The following DMD variants were observed in gnomAD, a reference collection of about 807,000 sequenced individuals.
DMD encodes the protein dystrophin.
A neutral mutation model predicts 330.1 loss-of-function variants in DMD; 63 were observed. The observed-to-expected ratio is 0.19, with a 90% confidence interval of 0.16 to 0.24. The LOEUF is 0.24. Among genes scored for constraint, DMD ranks in the 10% least tolerant of loss-of-function variants. The probability of loss-of-function intolerance (pLI) is 1.00; values close to 1 mark genes in which losing one functional copy is unlikely to be tolerated. For synonymous variants in DMD, 1,223 were observed against 959.8 expected, an observed-to-expected ratio of 1.27 and a Z score of -5.07; for missense variants, 3,344 against 2,684.1, an observed-to-expected ratio of 1.25 and a Z score of -5.43.
chrX:32,379,977 G>A (rs2097918313), intron 34 of DMD, among the ~76,000 whole-genome samples: 1 of 111,430 alleles, frequency 9.0e-6, no homozygotes, highest in South Asian at 3.7e-4. Flanking sequence ...AGCATGAAAT[G>A]ATTGGCCATC....
chrX:32,616,072 T>A (rs1398121979), intron 11 of DMD, among the ~76,000 whole-genome samples: 2 of 110,734 alleles, frequency 1.8e-5, no homozygotes, highest in African/African-American at 6.6e-5. Context: ...ATTTGTCTGA[T>A]TTTTTTTCCT....
intron 74 of DMD, among the ~76,000 whole-genome samples, chrX:31,164,669 G>C (rs1303193452): frequency 2.7e-5 from 3 of 110,921 alleles, no homozygotes; most frequent in Non-Finnish European, 5.7e-5. Context: ...ACTCCCCCCA[G>C]CTTGATTTCC....
intron 54 of DMD, among the ~76,000 whole-genome samples, chrX:31,647,167 G>A (rs1296756665): frequency 1.8e-5 from 2 of 111,905 alleles, no homozygotes; most frequent in Non-Finnish European, 3.8e-5. Context: ...TGTTATCTAT[G>A]TCTTCATCCA....
intron 7 of DMD, among the ~76,000 whole-genome samples, chrX:32,768,257 C>G (rs186082604): frequency 8.9e-6 from 1 of 111,908 alleles, no homozygotes; most frequent in Non-Finnish European, 1.9e-5. Context: ...ATTAGATTTC[C>G]GTCAGATGCT....
intron 18 of DMD, among the ~76,000 whole-genome samples, chrX:32,514,499 T>TGGATCAC (rs1366271769): frequency 2.7e-5 from 3 of 111,987 alleles, no homozygotes; most frequent in Admixed American, 9.4e-5. Flanking sequence ...CCCAGCACTT[T>TGGATCAC]GGGAGGCCGA....
At chrX:32,609,548 G>A (rs1473675500) in intron 12 of DMD, among the ~76,000 whole-genome samples, 1 of 111,089 alleles carries the variant, frequency 9.0e-6, no homozygotes, top group Non-Finnish European at 1.9e-5. Flanking sequence ...GGAATAGAAT[G>A]CAATGGAATG....
intron 26 of DMD, 58 bp from the exon 27 acceptor site, chrX:32,448,696 A>G (rs1312680364): frequency 9.9e-7 from 1 of 1,007,447 alleles, no homozygotes; most frequent in African/African-American, 1.9e-5. Context: ...TCCAAAATGC[A>G]TTTCTATGAA....
chrX:33,045,413 C>T (rs2094366654), intron 1 of DMD, among the ~76,000 whole-genome samples: 1 of 109,752 alleles, frequency 9.1e-6, no homozygotes, highest in African/African-American at 3.3e-5. Context: ...GCACTGTTTC[C>T]TCACTGCCTT....
chrX:33,118,124 T>TG (rs2095399777), intron 1 of DMD, among the ~76,000 whole-genome samples: 1 of 107,212 alleles, frequency 9.3e-6, no homozygotes, highest in African/African-American at 3.4e-5. Flanking sequence ...TTTTTTTTTT[T>TG]TTTTGAGACG....
At chrX:31,833,537 AG>A (rs775571529) in intron 49 of DMD, among the ~76,000 whole-genome samples, 2 of 112,088 alleles carry the variant, frequency 1.8e-5, no homozygotes, top group South Asian at 7.4e-4. Context: ...GACCTTTTAC[AG>A]GAAGTCCTCA....
At position 31,609,064 on chromosome X, in the gene DMD, A is replaced by T. The variant is rs149772178; in HGVS notation, c.8217+18609T>A. 8.3e-3 allele frequency among the ~76,000 whole-genome samples: 933 copies of T among 112,220 alleles called. 14 individuals carry two copies. Among genetic ancestry groups the T allele is most frequent in the African/African-American group, 0.029 (883 of 30,923 alleles). Reference sequence around the variant, plus strand: ...TTGCCACAATATTTACCCGTGCTAGATGATTGTTATGTATTTTTATTGTTA... The same window carrying T: ...TTGCCACAATATTTACCCGTGCTAGTTGATTGTTATGTATTTTTATTGTTA... On this transcript the variant is annotated intron_variant, in intron 55 of 78. Transcript: ENST00000357033.
chrX:31,313,712 CCTT>C (rs758567335), intron 62 of DMD, among the ~76,000 whole-genome samples: 1 of 110,395 alleles, frequency 9.1e-6, no homozygotes, highest in South Asian at 4.0e-4. Context: ...CAATGTCTAT[CCTT>C]CTTATCATGA....
rs188430448 is a variant in DMD, at chrX:31,654,596, A to G, written c.8027+3394T>C. Among the ~76,000 whole-genome samples the G allele has an allele frequency of 3.0e-4, 34 of 112,214 alleles. No individual in the cohort carries two copies. The East Asian group carries it at 9.2e-3, about 30-fold the overall frequency. ...GTAGCCATAAAAAAAGAATGAGATC[A>G]TGTCCTTTGCAGGGACATAGATGGA... On this transcript the variant is annotated intron_variant, in intron 54 of 78. Coordinates refer to ENST00000357033, the MANE Select transcript of DMD (RefSeq NM_004006.3).
At chrX:33,113,050 A>G (rs1008962772) in intron 1 of DMD, among the ~76,000 whole-genome samples, 5 of 92,294 alleles carry the variant, frequency 5.4e-5, no homozygotes, top group Admixed American at 1.4e-4. Context: ...AAGGCTAAAC[A>G]TTACTTTTTT....
rs959751880 is a variant in DMD, at chrX:33,116,108, G to T, written c.31+95174C>A. On this transcript the variant is annotated intron_variant, in intron 1 of 78. Coordinates refer to ENST00000357033, the MANE Select transcript of DMD (RefSeq NM_004006.3). ...TTCGGGAGGCTGAGGCAGAAAAATC[G>T]CTTGAACCCAGGAGGCAGAGGTTGC... Among the ~76,000 whole-genome samples, 11 of 108,885 alleles carry T rather than the reference G, an allele frequency of 1.0e-4. 2 individuals are homozygous for T. The highest frequency in any genetic ancestry group is 8.9e-4 in the Admixed American group (9 of 10,152). 94.6% of individuals were successfully genotyped at this position (108,885 alleles called of 115,157 possible). A position where few individuals can be genotyped will look rare whatever the true frequency, so the allele number is the denominator to read the frequency against.
At chrX:31,778,592 G>GTTTTT (rs2090822930) in intron 50 of DMD, among the ~76,000 whole-genome samples, 1 of 37,896 alleles carries the variant, frequency 2.6e-5, no homozygotes, top group East Asian at 1.0e-3. Flanking sequence ...TTTTTTTTGA[G>GTTTTT]ACAGAGTGTT....
At chrX:32,783,462 A>T (rs962808832) in intron 7 of DMD, among the ~76,000 whole-genome samples, 56 of 108,610 alleles carry the variant, frequency 5.2e-4, no homozygotes, top group Non-Finnish European at 1.5e-4. Context: ...CAAATAAAAA[A>T]ATATTCAGGA....
chrX:32,692,170 A>G (rs755929260), intron 9 of DMD, among the ~76,000 whole-genome samples: 4 of 112,421 alleles, frequency 3.6e-5, no homozygotes, highest in Non-Finnish European at 7.5e-5. Flanking sequence ...TACACACAAT[A>G]AAGTAAATTT....
intron 60 of DMD, among the ~76,000 whole-genome samples, chrX:31,349,239 C>T (rs1220369064): frequency 8.9e-6 from 1 of 112,139 alleles, no homozygotes; most frequent in Non-Finnish European, 1.9e-5. Flanking sequence ...GTCATAAGTT[C>T]GAGGCCAGCC....
Sources: gnomAD v4.1 joint callset for allele counts (sites outside exome capture counted in the v4.1 genomes callset) on GRCh38, gnomAD v4.1.1 for gene constraint, MANE v1.5 for transcripts, NCBI Gene and HGNC (gene_info 2026-07-23, HGNC 2026-07-21) for gene names.